The following SCN10A variants were observed in gnomAD, a reference collection of about 807,000 sequenced individuals.
SCN10A encodes the protein sodium channel protein type 10 subunit alpha.
SCN10A carries 162 observed loss-of-function variants against 170.7 expected under a neutral mutation model. That is an observed-to-expected ratio of 0.95 (90% CI 0.84 to 1.08). SCN10A has a LOEUF of 1.08. Among genes scored for constraint, SCN10A ranks in the 50% least tolerant of loss-of-function variants. SCN10A has a pLI of 0.00. For synonymous variants in SCN10A, 985 were observed against 904.6 expected (o/e 1.09, Z -1.59); for missense variants, 2,527 against 2,436.9 (o/e 1.04, Z -0.78).
intron 8 of SCN10A, among the ~76,000 whole-genome samples, chr3:38,757,727 G>T (rs1486058412): frequency 3.3e-5 from 5 of 152,134 alleles, no homozygotes; most frequent in African/African-American, 1.2e-4. Flanking sequence ...AACTACGCAG[G>T]TGTCAATATA....
At position 38,760,665 on chromosome 3, in the gene SCN10A, T is replaced by C. The variant is rs755960815; in HGVS notation, c.950+16A>G. On this transcript the variant is annotated intron_variant, in intron 8 of 27. Coordinates refer to ENST00000449082, the MANE Select transcript of SCN10A (RefSeq NM_006514.4). The stretch of plus-strand genomic sequence containing the variant: ...ATTGTTGGGCACTCGTGCTTTGTCA[T>C]AAGTTGGGAACTCACCCTGAGTCAG... 2.7e-5 allele frequency: 43 copies of C among 1,608,738 alleles called. No individual in the cohort carries two copies. Among genetic ancestry groups the C allele is most frequent in the African/African-American group, 4.0e-5 (3 of 74,818 alleles).
At chr3:38,775,627 A>G (rs1025614087) in intron 4 of SCN10A, among the ~76,000 whole-genome samples, 2 of 152,212 alleles carry the variant, frequency 1.3e-5, no homozygotes, top group African/African-American at 4.8e-5. Flanking sequence ...GATAAATAGA[A>G]CAAAAAGTCA....
In SCN10A at chr3:38,780,215, T is replaced by G. The variant is rs1318116823; in HGVS notation, c.470+8741A>C. Among the ~76,000 whole-genome samples, 3 of 152,084 alleles carry G rather than the reference T, an allele frequency of 2.0e-5. No homozygotes were observed. In the East Asian group the frequency reaches 5.8e-4, roughly 29 times the overall value. On this transcript the variant is annotated intron_variant, in intron 4 of 27. Coordinates refer to ENST00000449082, the MANE Select transcript of SCN10A (RefSeq NM_006514.4). ...ATATAGATTACTATCGTCTTTAATATTAATATGTCTGTGCAATTTTTGTCC... is the reference window on the plus strand; with the variant it reads ...ATATAGATTACTATCGTCTTTAATAGTAATATGTCTGTGCAATTTTTGTCC...
At chr3:38,713,702 TG>T (rs2063299741) in intron 22 of SCN10A, among the ~76,000 whole-genome samples, 1 of 152,092 alleles carries the variant, frequency 6.6e-6, no homozygotes, top group Non-Finnish European at 1.5e-5. Flanking sequence ...GTTTTTTGTT[TG>T]TTTTTTGAGG....
At chr3:38,801,676 C>T (rs1271974709) in intron 1 of SCN10A, among the ~76,000 whole-genome samples, 1 of 151,740 alleles carries the variant, frequency 6.6e-6, no homozygotes, top group Non-Finnish European at 1.5e-5. Context: ...GTCTTAAGAA[C>T]CCAATAGAGG....
Position 38,752,478 on chromosome 3 carries a change from G to A in SCN10A, c.1496C>T (p.Ala499Val), listed in dbSNP as rs762173213. The change falls in exon 12 of 28, where the codon GCT (alanine) becomes GTT (valine). Residue 499 changes from alanine to valine, a missense_variant. Coordinates refer to ENST00000449082, the MANE Select transcript of SCN10A (RefSeq NM_006514.4). ...GAAATGGAACACACTGCCATGACTA[G>A]CCCGGCGTTTTCCAGAGGCGAGGCC... ...FLGLASGKRR[A>V]SHGSVFHFRS... is the part of the protein sequence containing the mutation. 1.2e-6 allele frequency: 2 copies of A among 1,604,206 alleles called. No homozygotes were observed. The highest frequency in any genetic ancestry group is 2.7e-5 in the African/African-American group (2 of 74,558).
chr3:38,751,541 G>A (rs1450419947), intron 12 of SCN10A, among the ~76,000 whole-genome samples: 3 of 152,172 alleles, frequency 2.0e-5, no homozygotes, highest in Non-Finnish European at 4.4e-5. Context: ...CAATTGCGCT[G>A]TATCCCTGGC....
At position 38,755,494 on chromosome 3, in the gene SCN10A, A is replaced by G. The variant is rs12630795; in HGVS notation, c.1461+294T>C. The stretch of plus-strand genomic sequence containing the variant: ...TCATCTTGGAATCACCACCCATTTG[A>G]TTGCCCAATCCTGAAACCTGGGAGT... On this transcript the variant is annotated intron_variant, in intron 11 of 27. Transcript: ENST00000449082. Among the ~76,000 whole-genome samples, 31,136 of 151,810 alleles carry G rather than the reference A, an allele frequency of 0.21. 3,664 individuals are homozygous for G. The highest frequency in any genetic ancestry group is 0.4 in the East Asian group (2,055 of 5,114).
chr3:38,710,312 G>A (rs1360242272), intron 24 of SCN10A, among the ~76,000 whole-genome samples: 2 of 152,018 alleles, frequency 1.3e-5, no homozygotes, highest in African/African-American at 4.8e-5. Context: ...GGCACAAGCC[G>A]CCATGCCCTG....
intron 5 of SCN10A, among the ~76,000 whole-genome samples, chr3:38,765,987 T>C (rs1014240282): frequency 2.6e-5 from 4 of 151,864 alleles, no homozygotes; most frequent in African/African-American, 9.7e-5. Flanking sequence ...TTGTTTTTTT[T>C]TTGCAGCTGT....
At chr3:38,811,819 T>C (rs1384413647) in intron 1 of SCN10A, among the ~76,000 whole-genome samples, 2 of 152,158 alleles carry the variant, frequency 1.3e-5, no homozygotes, top group Admixed American at 6.5e-5. Context: ...GGATTCCCTT[T>C]TTCCTCCTCT....
Position 38,784,641 on chromosome 3 carries a change from G to A in SCN10A, c.470+4315C>T, listed in dbSNP as rs142456544. The stretch of plus-strand genomic sequence containing the variant: ...TGGAAGTTCTGGCCAGGGCGATCAG[G>A]CAAGAGAAAGAAATAAGGGGTATTC... On this transcript the variant is annotated intron_variant, in intron 4 of 27. Transcript: ENST00000449082. 7.8e-3 allele frequency among the ~76,000 whole-genome samples: 1,181 copies of A among 152,172 alleles called. 8 individuals are homozygous for A. Among genetic ancestry groups the A allele is most frequent in the Non-Finnish European group, 0.012 (823 of 67,990 alleles).
chr3:38,766,291 G>A (rs543929158), intron 5 of SCN10A, among the ~76,000 whole-genome samples: 1 of 152,194 alleles, frequency 6.6e-6, no homozygotes, highest in African/African-American at 2.4e-5. Context: ...AATGGTGAAA[G>A]TGGGCATCCT....
At chr3:38,790,613 C>T (rs2064269024) in intron 3 of SCN10A, among the ~76,000 whole-genome samples, 1 of 151,584 alleles carries the variant, frequency 6.6e-6, no homozygotes, top group Non-Finnish European at 1.5e-5. Flanking sequence ...AACAACTACC[C>T]AAGCAGAGAC....
At chr3:38,789,550 A>G (rs980772865) in intron 3 of SCN10A, among the ~76,000 whole-genome samples, 1 of 152,138 alleles carries the variant, frequency 6.6e-6, no homozygotes, top group Non-Finnish European at 1.5e-5. Context: ...ACAAACTTTC[A>G]TGGGAATTAG....
Position 38,794,002 on chromosome 3 carries a change from G to A in SCN10A, c.9C>T (p.Phe3=). 5 of 1,613,520 alleles carry A rather than the reference G, an allele frequency of 3.1e-6. No individual in the cohort carries two copies. Among genetic ancestry groups the A allele is most frequent in the Non-Finnish European group, 4.2e-6 (5 of 1,179,598 alleles). Residue 3 remains phenylalanine, a synonymous_variant, in exon 2 of 28, where the codon TTC becomes TTT. Coordinates refer to ENST00000449082, the MANE Select transcript of SCN10A (RefSeq NM_006514.4). ME[F]PIGSLETNNF... ...TGTTAGTTTCGAGGGATCCAATGGGGAATTCCATCTTCTCATTCTTCTTCA... is the reference window on the plus strand; with the variant it reads ...TGTTAGTTTCGAGGGATCCAATGGGAAATTCCATCTTCTCATTCTTCTTCA...
intron 18 of SCN10A, among the ~76,000 whole-genome samples, chr3:38,724,168 C>T (rs1271464194): frequency 6.6e-6 from 1 of 152,230 alleles, no homozygotes. Flanking sequence ...CAAGCGGCTT[C>T]TGTTCACCCA....
intron 20 of SCN10A, 84 bp downstream of exon 20, chr3:38,722,174 C>G (rs1310269301): frequency 7.4e-7 from 1 of 1,346,338 alleles, no homozygotes; most frequent in Non-Finnish European, 1.0e-6. Flanking sequence ...GTCAGGAGAA[C>G]CCACTGATGC....
intron 8 of SCN10A, among the ~76,000 whole-genome samples, chr3:38,760,156 T>C (rs562662746): frequency 6.6e-6 from 1 of 152,368 alleles, no homozygotes; most frequent in Admixed American, 6.5e-5. Flanking sequence ...TCTACTGGAC[T>C]GCAACTTGCT....
Sources: allele counts gnomAD v4.1 joint callset (sites outside exome capture counted in the v4.1 genomes callset), GRCh38; gene constraint gnomAD v4.1.1; transcripts MANE v1.5; gene names NCBI Gene and HGNC (gene_info 2026-07-23, HGNC 2026-07-21).